The following ODAM variants were observed in gnomAD, a reference collection of about 807,000 sequenced individuals.
ODAM encodes the protein odontogenic, ameloblast associated, also known as odontogenic ameloblast-associated protein.
Under a neutral mutation model 48.5 loss-of-function variants are expected in ODAM, and 55 were observed. The ratio of observed to expected loss-of-function variants is 1.13; its 90% confidence interval spans 0.91 to 1.42. The LOEUF is 1.42. Ranked by LOEUF, ODAM falls within the 40% of genes most tolerant of loss-of-function variation. The probability of loss-of-function intolerance (pLI) is 0.00; values close to 1 mark genes in which losing one functional copy is unlikely to be tolerated. For synonymous variants in ODAM, 127 were observed against 107.8 expected (o/e 1.18, Z -1.10); for missense variants, 353 against 323.6 (o/e 1.09, Z -0.70).
Position 70,197,978 on chromosome 4 carries a change from C to T in ODAM, c.196C>T (p.Gln66Ter). 6.2e-7 allele frequency: 1 copy of T among 1,613,362 alleles called. No individual in the cohort carries two copies. The highest frequency in any genetic ancestry group is 8.5e-7 in the Non-Finnish European group (1 of 1,179,552). Residue 66 changes from glutamine to a stop codon, truncating the protein, a stop_gained, in exon 5 of 12, where the codon CAG becomes TAG. Coordinates refer to ENST00000683306, the MANE Select transcript of ODAM (RefSeq NM_017855.4). LOFTEE classifies it high-confidence loss of function. ...PFSGILQQQQ[Q>*]AQIPGLSQFS... Reference sequence around the variant, plus strand: ...CTCTGGAATTTTACAACAGCAGCAGCAGGCTCAAATTCCAGGACTCTCCCA... The same window carrying T: ...CTCTGGAATTTTACAACAGCAGCAGTAGGCTCAAATTCCAGGACTCTCCCA...
rs1729548823 is a variant in ODAM, at chr4:70,203,264, A to AG, written c.*29+50_*29+51insG. On this transcript the variant is annotated intron_variant, in intron 11 of 11. Transcript: ENST00000683306. ...TTAGGTGCCACGACAATTCCTACAT[A>AG]AGAAGACAAAAGAAAAAAGTTGGCA... The AG allele has an allele frequency of 3.2e-5, 34 of 1,051,188 alleles. 1 individual carries two copies. The highest frequency in any genetic ancestry group is 4.5e-5 in the Non-Finnish European group (31 of 685,222). The allele number at this position is 1,051,188 out of a possible 1,614,324, so 65.1% of individuals were successfully genotyped here.
At chr4:70,201,626 T>G (rs1016424154) in intron 8 of ODAM, 125 bp downstream of exon 8, 2 of 653,294 alleles carry the variant, frequency 3.1e-6, no homozygotes, top group Non-Finnish European at 5.6e-6. Context: ...CAAAATTGTA[T>G]GTATCCACTC....
intron 4 of ODAM, chr4:70,197,632 AG>A: frequency 1.9e-6 from 1 of 538,734 alleles, no homozygotes; most frequent in South Asian, 2.2e-5. Context: ...TGGCAGGTTT[AG>A]GGTTAAGGTA....
rs772261129 is a variant in ODAM at position 70,201,464 on chromosome 4, A to C, written c.539A>C (p.Tyr180Ser). The change falls in exon 8 of 12, where the codon TAT becomes TCT. Residue 180 changes from tyrosine (Y) to serine (S), a missense_variant. Tyr to Ser is a moderately radical substitution (Grantham distance 144). Transcript: ENST00000683306. ...QQQYEEQIPF[Y>S]AQFGYIPQLA... ...TAAAAAATCTGACAGATACCATTCT[A>C]TGCTCAATTTGGATACATTCCACAA... is the stretch of plus-strand genomic sequence containing the variant. 2.7e-6 allele frequency: 4 copies of C among 1,508,870 alleles called. No individual in the cohort carries two copies. In the Admixed American group the frequency reaches 5.2e-5, roughly 20 times the overall value. 93.5% of individuals were successfully genotyped at this position (1,508,870 alleles called of 1,614,324 possible).
chr4:70,196,828 C>A, intron 3 of ODAM, 95 bp downstream of exon 3: 1 of 948,550 alleles, frequency 1.1e-6, no homozygotes, highest in Non-Finnish European at 1.6e-6. Flanking sequence ...CTGTGTTCCT[C>A]ACCACTAGCT....
At chr4:70,203,334 T>A in intron 11 of ODAM, 120 bp downstream of exon 11, 2 of 595,904 alleles carry the variant, frequency 3.4e-6, no homozygotes, top group South Asian at 4.5e-5. Context: ...AAAAACAAGT[T>A]AGCTATATAT....
intron 8 of ODAM, among the ~76,000 whole-genome samples, chr4:70,201,944 C>G (rs1578238694): frequency 1.3e-5 from 2 of 151,816 alleles, no homozygotes; most frequent in South Asian, 4.1e-4. Context: ...GGTGACCTTA[C>G]TTCAGACAAA....
rs1729471244 is a variant in ODAM at position 70,200,492 on chromosome 4, A to C, written c.424-5A>C. The C allele has an allele frequency of 4.6e-6, 7 of 1,524,724 alleles. No homozygotes were observed. In the South Asian group the frequency reaches 8.0e-5, roughly 17 times the overall value. The allele number at this position is 1,524,724 out of a possible 1,614,324, so 94.4% of individuals were successfully genotyped here. ...TCTCTTGTATCCTTCTCTTTTTACAAGTAGATGTTTCAATACTATCCAGTT... is the reference window on the plus strand; with the variant it reads ...TCTCTTGTATCCTTCTCTTTTTACACGTAGATGTTTCAATACTATCCAGTT... On this transcript the variant is annotated splice_polypyrimidine_tract_variant and splice_region_variant and intron_variant, in intron 6 of 11. Transcript: ENST00000683306.
At position 70,198,174 on chromosome 4, in the gene ODAM, T is replaced by C; in HGVS notation, c.375+17T>C. ...CCCAGTCACGTAAGTCAGGCCTCTTTCATTTTGTTCTGAGGAGAGAGAACT... is the reference window on the plus strand; with the variant it reads ...CCCAGTCACGTAAGTCAGGCCTCTTCCATTTTGTTCTGAGGAGAGAGAACT... On this transcript the variant is annotated intron_variant, in intron 5 of 11. Transcript: ENST00000683306. 2 of 1,600,394 alleles carry C rather than the reference T, an allele frequency of 1.2e-6. No homozygotes were observed. The highest frequency in any genetic ancestry group is 1.7e-6 in the Non-Finnish European group (2 of 1,170,010).
intron 5 of ODAM, 148 bp from the exon 6 acceptor site, chr4:70,198,431 G>A (rs1729427009): frequency 1.5e-6 from 1 of 681,346 alleles, no homozygotes; most frequent in Admixed American, 3.3e-5. Flanking sequence ...GGCAGTTTAT[G>A]TCAGCACATG....
Position 70,202,813 on chromosome 4 carries a change from A to G in ODAM, c.706A>G (p.Ser236Gly), listed in dbSNP as rs201948857. Residue 236 changes from serine to glycine, a missense_variant, in exon 10 of 12, where the codon AGT becomes GGT. Transcript: ENST00000683306. ...QKEAINFRHD[S>G]AGVFMPSTSP... ...AGAAGCGATCAACTTTAGACATGACAGTGCAGGAGTTTTCATGCCCTCAAC... is the reference window on the plus strand; with the variant it reads ...AGAAGCGATCAACTTTAGACATGACGGTGCAGGAGTTTTCATGCCCTCAAC... The G allele has an allele frequency of 1.2e-6, 2 of 1,612,064 alleles. No homozygotes were observed. Among genetic ancestry groups the G allele is most frequent in the East Asian group, 2.2e-5 (1 of 44,746 alleles).
At chr4:70,197,717 C>G in intron 4 of ODAM, 1 of 592,186 alleles carries the variant, frequency 1.7e-6, no homozygotes, top group East Asian at 2.8e-5. Context: ...CTTATCCTGC[C>G]CCATATTTCT....
At chr4:70,196,867 G>T in intron 3 of ODAM, 134 bp downstream of exon 3, 1 of 652,570 alleles carries the variant, frequency 1.5e-6, no homozygotes. Flanking sequence ...CATTTCTAAT[G>T]TCCATGTTTG....
intron 3 of ODAM, 22 bp downstream of exon 3, chr4:70,196,755 A>T: frequency 1.3e-6 from 2 of 1,575,332 alleles, no homozygotes; most frequent in Non-Finnish European, 1.7e-6. Flanking sequence ...TAATTAAAAC[A>T]ATCTCCTCCT....
At chr4:70,200,926 T>C (rs960211330) in intron 7 of ODAM, among the ~76,000 whole-genome samples, 14 of 151,942 alleles carry the variant, frequency 9.2e-5, no homozygotes, top group African/African-American at 3.4e-4. Context: ...TCCACATATG[T>C]GTGTGTGGTT....
chr4:70,201,808 A>C (rs1342537535), intron 8 of ODAM, among the ~76,000 whole-genome samples: 11 of 152,078 alleles, frequency 7.2e-5, no homozygotes, highest in Non-Finnish European at 1.0e-4. Flanking sequence ...CTCTATGATT[A>C]TTTTAAAAGC....
At chr4:70,203,810 A>G (rs1729559418) in intron 11 of ODAM, among the ~76,000 whole-genome samples, 1 of 151,932 alleles carries the variant, frequency 6.6e-6, no homozygotes, top group Non-Finnish European at 1.5e-5. Context: ...GCAAACTAAA[A>G]GACAAAGTTT....
At chr4:70,199,822 TA>T (rs1190762434) in intron 6 of ODAM, among the ~76,000 whole-genome samples, 6 of 152,012 alleles carry the variant, frequency 3.9e-5, no homozygotes, top group African/African-American at 1.4e-4. Flanking sequence ...TCTCTTACTT[TA>T]TGCAAATAAA....
intron 8 of ODAM, 83 bp downstream of exon 8, chr4:70,201,584 C>T: frequency 1.3e-6 from 1 of 779,306 alleles, no homozygotes; most frequent in Non-Finnish European, 2.2e-6. Flanking sequence ...GCCCTTCAGC[C>T]AAAGATGACC....
Sources: gnomAD v4.1 joint callset for allele counts (sites outside exome capture counted in the v4.1 genomes callset) on GRCh38, gnomAD v4.1.1 for gene constraint, MANE v1.5 for transcripts, NCBI Gene and HGNC (gene_info 2026-07-23, HGNC 2026-07-21) for gene names.